The following PPP4R2 variants were observed in gnomAD, a reference collection of about 807,000 sequenced individuals.
The protein encoded by PPP4R2 is protein phosphatase 4 regulatory subunit 2.
PPP4R2 carries 13 observed loss-of-function variants against 47.2 expected under a neutral mutation model. The ratio of observed to expected loss-of-function variants is 0.28; its 90% confidence interval spans 0.18 to 0.44. The LOEUF is 0.44. Ranked by LOEUF, PPP4R2 falls within the 20% of genes least tolerant of loss-of-function variation. PPP4R2 has a pLI of 1.00. For missense variants in PPP4R2, 421 were observed against 491.2 expected, an observed-to-expected ratio of 0.86 and a Z score of 1.35; for synonymous variants, 151 against 163.3, an observed-to-expected ratio of 0.92 and a Z score of 0.57.
chr3:73,012,640 C>T (rs1477859744), intron 2 of PPP4R2, among the ~76,000 whole-genome samples: 8 of 152,150 alleles, frequency 5.3e-5, no homozygotes, highest in Admixed American at 1.3e-4. Flanking sequence ...GTTGGATTCG[C>T]GAATGTGGAA....
At chr3:72,998,664 C>T (rs544134244) in intron 2 of PPP4R2, among the ~76,000 whole-genome samples, 1 of 152,284 alleles carries the variant, frequency 6.6e-6, no homozygotes, top group African/African-American at 2.4e-5. Context: ...CCAGATGCTA[C>T]AGTTTTGACT....
Position 73,062,370 on chromosome 3 carries a change from A to G in PPP4R2, c.420-1303A>G, listed in dbSNP as rs1157782841. 3 of 1,607,050 alleles carry G rather than the reference A, an allele frequency of 1.9e-6. No individual in the cohort carries two copies. The highest frequency in any genetic ancestry group is 2.5e-6 in the Non-Finnish European group (3 of 1,178,140). ...GGATGCATTGGAACCCCAACCCAGC[A>G]TTGGGGATATTAAGGACATTAAAAA... On this transcript the variant is annotated intron_variant, in intron 5 of 8. Coordinates refer to ENST00000356692, the MANE Select transcript of PPP4R2 (RefSeq NM_174907.4).
intron 2 of PPP4R2, among the ~76,000 whole-genome samples, chr3:73,017,626 G>T (rs1701868815): frequency 6.6e-6 from 1 of 151,902 alleles, no homozygotes; most frequent in Admixed American, 6.6e-5. Context: ...TGAGGACTCT[G>T]TTCCTTATGT....
intron 2 of PPP4R2, among the ~76,000 whole-genome samples, chr3:73,023,859 A>G (rs568236488): frequency 6.6e-6 from 1 of 152,314 alleles, no homozygotes; most frequent in African/African-American, 2.4e-5. Flanking sequence ...TTCAGGTATA[A>G]TATACTTGGA....
chr3:73,015,821 G>C lies in PPP4R2; in HGVS notation c.116+17663G>C, dbSNP rs759836263. 5.4e-5 allele frequency: 24 copies of C among 443,118 alleles called. 1 individual carries two copies. The highest frequency in any genetic ancestry group is 3.6e-4 in the South Asian group (23 of 63,730). The allele number at this position is 443,118 out of a possible 1,614,324, so 27.4% of individuals were successfully genotyped here. A position where few individuals can be genotyped will look rare whatever the true frequency, so the allele number is the denominator to read the frequency against. The stretch of plus-strand genomic sequence containing the variant: ...CCCGATTAATTTTTTTGTGTGTTTA[G>C]TAGAGACGGGGTTTCACCATGTTAG... On this transcript the variant is annotated intron_variant, in intron 2 of 8. Transcript: ENST00000356692.
intron 2 of PPP4R2, among the ~76,000 whole-genome samples, chr3:73,024,499 T>TCTG (rs1702019947): frequency 6.6e-6 from 1 of 152,200 alleles, no homozygotes. Context: ...TCTGCTGGAC[T>TCTG]CAGTGTTTTA....
chr3:73,060,606 G>T (rs1385478490), intron 4 of PPP4R2, among the ~76,000 whole-genome samples: 1 of 152,018 alleles, frequency 6.6e-6, no homozygotes. Flanking sequence ...GTCTCTTTCT[G>T]TGGGATATAT....
intron 2 of PPP4R2, among the ~76,000 whole-genome samples, chr3:73,016,986 C>G (rs1185430827): frequency 6.6e-6 from 1 of 151,884 alleles, no homozygotes; most frequent in Admixed American, 6.6e-5. Context: ...GTCACCACAT[C>G]TAGCTAATTT....
At chr3:73,053,308 T>C (rs1037818923) in intron 3 of PPP4R2, among the ~76,000 whole-genome samples, 3 of 145,080 alleles carry the variant, frequency 2.1e-5, no homozygotes, top group Non-Finnish European at 3.0e-5. Flanking sequence ...GAATAATTAC[T>C]TGAGAATTAG....
chr3:72,997,534 C>G (rs1701375854), intron 1 of PPP4R2: 1 of 167,404 alleles, frequency 6.0e-6, no homozygotes, highest in Non-Finnish European at 1.3e-5. Flanking sequence ...AGTCATCTTT[C>G]CGCGCCCTAA....
intron 2 of PPP4R2, among the ~76,000 whole-genome samples, chr3:73,044,217 ATTT>A (rs896387539): frequency 8.3e-6 from 1 of 119,766 alleles, no homozygotes. Flanking sequence ...TGGTTTCATA[ATTT>A]TTGTTGTTGT....
In PPP4R2 at chr3:73,062,736, A is replaced by G. The variant is rs763394375; in HGVS notation, c.420-937A>G. The stretch of plus-strand genomic sequence containing the variant: ...ACGATTCAAGGCAATGATGGCATCT[A>G]TTGGAAGACTTTCACATGGTGAGAG... On this transcript the variant is annotated intron_variant, in intron 5 of 8. Coordinates refer to ENST00000356692, the MANE Select transcript of PPP4R2 (RefSeq NM_174907.4). 3.2e-5 allele frequency: 51 copies of G among 1,613,894 alleles called. No individual in the cohort carries two copies. Among genetic ancestry groups the G allele is most frequent in the East Asian group, 8.9e-5 (4 of 44,892 alleles).
intron 2 of PPP4R2, among the ~76,000 whole-genome samples, chr3:73,040,950 T>A (rs1178810128): frequency 6.6e-6 from 1 of 152,242 alleles, no homozygotes; most frequent in Admixed American, 6.5e-5. Context: ...AATATTAGGA[T>A]GTCAAATTTG....
chr3:73,004,410 G>A (rs973283181), intron 2 of PPP4R2, among the ~76,000 whole-genome samples: 5 of 152,116 alleles, frequency 3.3e-5, no homozygotes, highest in African/African-American at 9.7e-5. Context: ...CTATCCTTGA[G>A]TGTCTTAAGT....
intron 6 of PPP4R2, 123 bp from the exon 7 acceptor site, chr3:73,063,880 G>A (rs775489187): frequency 7.9e-6 from 9 of 1,137,290 alleles, no homozygotes; most frequent in Non-Finnish European, 1.2e-5. Flanking sequence ...AGTTAATTTG[G>A]TAAGGCATGG....
At chr3:73,042,411 C>G (rs557113308) in intron 2 of PPP4R2, among the ~76,000 whole-genome samples, 2 of 130,444 alleles carry the variant, frequency 1.5e-5, no homozygotes, top group South Asian at 4.7e-4. Flanking sequence ...GTCACCCAGG[C>G]TGGAGTGCGG....
Position 73,064,104 on chromosome 3 carries a change from G to A in PPP4R2, c.596G>A (p.Ser199Asn). ...AATGGGTTGCCTGAGAGCACAGACA[G>A]CAAAGAGGCAAATTTGCAGCAAAAT... The part of the protein sequence containing the change: ...TTNGLPESTD[S>N]KEANLQQNEE... Residue 199 changes from serine to asparagine, a missense_variant, in exon 7 of 9, where the codon AGC becomes AAC. Transcript: ENST00000356692. 6.2e-7 allele frequency: 1 copy of A among 1,612,564 alleles called. No individual in the cohort carries two copies. The highest frequency in any genetic ancestry group is 1.3e-5 in the African/African-American group (1 of 74,928).
At chr3:73,020,370 T>A (rs1701933491) in intron 2 of PPP4R2, among the ~76,000 whole-genome samples, 1 of 152,026 alleles carries the variant, frequency 6.6e-6, no homozygotes, top group African/African-American at 2.4e-5. Flanking sequence ...TTAAAAACAT[T>A]ATTTTGGCCA....
At chr3:73,065,241 T>C (rs1301873230) in intron 8 of PPP4R2, 100 bp downstream of exon 8, 2 of 1,347,074 alleles carry the variant, frequency 1.5e-6, no homozygotes, top group Non-Finnish European at 2.0e-6. Context: ...GAACTCCTTA[T>C]AATGCTGATG....
Sources: allele counts gnomAD v4.1 joint callset (sites outside exome capture counted in the v4.1 genomes callset), GRCh38; gene constraint gnomAD v4.1.1; transcripts MANE v1.5; gene names NCBI Gene and HGNC (gene_info 2026-07-23, HGNC 2026-07-21).